Variants in KCNH8 observed in about 807,000 individuals in gnomAD.
KCNH8 encodes the protein potassium voltage-gated channel subfamily H member 8, also known as voltage-gated delayed rectifier potassium channel KCNH8.
Under a neutral mutation model 103.6 loss-of-function variants are expected in KCNH8, and 70 were observed. That is an observed-to-expected ratio of 0.68 (90% CI 0.56 to 0.82). KCNH8 has a LOEUF of 0.82. KCNH8 is among the 40% of genes least tolerant of loss of function. The probability of loss-of-function intolerance (pLI) is 0.00; values close to 1 mark genes in which losing one functional copy is unlikely to be tolerated. For synonymous variants in KCNH8, 498 were observed against 489.4 expected (o/e 1.02, Z -0.23); for missense variants, 1,217 against 1,329.9 (o/e 0.92, Z 1.32).
In KCNH8 at chr3:19,172,748, C is replaced by G. The variant is rs1340763614; in HGVS notation, c.76+23953C>G. Among the ~76,000 whole-genome samples, 4 of 152,206 alleles carry G rather than the reference C, an allele frequency of 2.6e-5. 1 individual carries two copies. The highest frequency in any genetic ancestry group is 9.6e-5 in the African/African-American group (4 of 41,462). On this transcript the variant is annotated intron_variant, in intron 1 of 15. Transcript: ENST00000328405. ...GTCACAGCTGAACAAGTAGCAGAGT[C>G]ATGGTTCAAACTCTGTACTTGTCTT...
intron 11 of KCNH8, among the ~76,000 whole-genome samples, chr3:19,497,156 T>G (rs1381548364): frequency 6.6e-6 from 1 of 152,176 alleles, no homozygotes; most frequent in African/African-American, 2.4e-5. Flanking sequence ...CCTTTGTTAG[T>G]CTAGCTAATG....
intron 3 of KCNH8, among the ~76,000 whole-genome samples, chr3:19,306,878 A>G (rs1197476323): frequency 1.3e-5 from 2 of 152,040 alleles, no homozygotes; most frequent in African/African-American, 2.4e-5. Flanking sequence ...TCTTTTCTGG[A>G]TACACACAGA....
At chr3:19,155,802 G>A (rs2125181977) in intron 1 of KCNH8, among the ~76,000 whole-genome samples, 1 of 152,230 alleles carries the variant, frequency 6.6e-6, no homozygotes, top group African/African-American at 2.4e-5. Flanking sequence ...CTTCCACATG[G>A]CCTTGCCCAT....
chr3:19,348,705 A>G (rs1299586079), intron 5 of KCNH8, among the ~76,000 whole-genome samples: 2 of 152,014 alleles, frequency 1.3e-5, no homozygotes, highest in Non-Finnish European at 2.9e-5. Context: ...TGTCATTAGC[A>G]GCTGATACCT....
chr3:19,161,761 A>G (rs1355639413), intron 1 of KCNH8, among the ~76,000 whole-genome samples: 1 of 152,218 alleles, frequency 6.6e-6, no homozygotes, highest in Non-Finnish European at 1.5e-5. Flanking sequence ...CTAAATTAAT[A>G]AAATGTATGA....
chr3:19,433,161 G>A (rs1163532509), intron 7 of KCNH8, among the ~76,000 whole-genome samples: 1 of 152,090 alleles, frequency 6.6e-6, no homozygotes, highest in Non-Finnish European at 1.5e-5. Flanking sequence ...CAACTTTTAT[G>A]TAGACTATTA....
chr3:19,228,385 AGG>A (rs2063956070), intron 1 of KCNH8, among the ~76,000 whole-genome samples: 1 of 152,180 alleles, frequency 6.6e-6, no homozygotes, highest in African/African-American at 2.4e-5. Context: ...TCTTAGCCTC[AGG>A]GCTGTTCTTT....
chr3:19,175,004 T>C (rs2063383690), intron 1 of KCNH8, among the ~76,000 whole-genome samples: 1 of 152,190 alleles, frequency 6.6e-6, no homozygotes, highest in Admixed American at 6.5e-5. Context: ...TATGAAGTAG[T>C]ATTTTTTTAA....
intron 11 of KCNH8, among the ~76,000 whole-genome samples, chr3:19,470,563 C>T (rs889932175): frequency 6.6e-6 from 1 of 152,190 alleles, no homozygotes; most frequent in African/African-American, 2.4e-5. Context: ...GCCCATCCAG[C>T]TTTCACTAAT....
In KCNH8 at chr3:19,282,319, G is replaced by C. The variant is rs369334018; in HGVS notation, c.442+990G>C. ...TATGTAGTGTATTTTACATATGCAA[G>C]GGAAGAGCCATATTAAAATTAAAGT... On this transcript the variant is annotated intron_variant, in intron 3 of 15. Transcript: ENST00000328405. Among the ~76,000 whole-genome samples, 15 of 152,194 alleles carry C rather than the reference G, an allele frequency of 9.9e-5. 2 individuals carry two copies. Among genetic ancestry groups the C allele is most frequent in the Admixed American group, 5.2e-4 (8 of 15,272 alleles).
intron 1 of KCNH8, among the ~76,000 whole-genome samples, chr3:19,239,670 CTATCTATCTAT>C (rs2064112015): frequency 1.3e-5 from 2 of 151,784 alleles, no homozygotes; most frequent in African/African-American, 4.9e-5. Flanking sequence ...ATCTATCTAT[CTATCTATCTAT>C]CTACCTACCT....
Position 19,395,259 on chromosome 3 carries a change from C to G in KCNH8, c.1125C>G (p.Tyr375Ter). Residue 375 changes from tyrosine to a stop codon, truncating the protein, a stop_gained, in exon 7 of 16, where the codon TAC becomes TAG. Transcript: ENST00000328405. LOFTEE classifies it high-confidence loss of function. ...CACACTGGATGGCGTGTATCTGGTA[C>G]GTCATTGGAAAAATGGAGAGGGAAG... ...LLAHWMACIW[Y>*]VIGKMEREDN... 1 of 1,609,846 alleles carries G rather than the reference C, an allele frequency of 6.2e-7. No individual in the cohort carries two copies. The highest frequency in any genetic ancestry group is 8.5e-7 in the Non-Finnish European group (1 of 1,178,144).
At chr3:19,484,239 C>A (rs2068154910) in intron 11 of KCNH8, among the ~76,000 whole-genome samples, 2 of 152,130 alleles carry the variant, frequency 1.3e-5, no homozygotes, top group South Asian at 4.1e-4. Context: ...TGGTCGTTTC[C>A]TGGGCTACAT....
chr3:19,287,765 T>C (rs1161532963), intron 3 of KCNH8, among the ~76,000 whole-genome samples: 1 of 152,168 alleles, frequency 6.6e-6, no homozygotes, highest in Non-Finnish European at 1.5e-5. Context: ...TTTGTATTTT[T>C]AGTAGAGACG....
rs529181124 is a variant in KCNH8, at chr3:19,292,310, G to A, written c.442+10981G>A. Among the ~76,000 whole-genome samples the A allele has an allele frequency of 1.0e-3, 153 of 152,234 alleles. 1 individual carries two copies. Among genetic ancestry groups the A allele is most frequent in the African/African-American group, 3.0e-3 (125 of 41,538 alleles). On this transcript the variant is annotated intron_variant, in intron 3 of 15. Coordinates refer to ENST00000328405, the MANE Select transcript of KCNH8 (RefSeq NM_144633.3). The stretch of plus-strand genomic sequence containing the variant: ...TCAAATTTGTTTTGAGAATTTAGGG[G>A]TTGATGTGTGAAGCTTTTCACATTA...
intron 1 of KCNH8, among the ~76,000 whole-genome samples, chr3:19,157,460 G>A (rs769425068): frequency 6.6e-6 from 1 of 152,044 alleles, no homozygotes; most frequent in Non-Finnish European, 1.5e-5. Context: ...CAACAAATGT[G>A]TAATTTTAGG....
chr3:19,442,680 A>G (rs1251630017), intron 8 of KCNH8, among the ~76,000 whole-genome samples: 3 of 152,194 alleles, frequency 2.0e-5, no homozygotes, highest in Non-Finnish European at 4.4e-5. Flanking sequence ...TATTCATTTG[A>G]AAGTCAAATG....
intron 3 of KCNH8, among the ~76,000 whole-genome samples, chr3:19,311,601 G>T (rs1220046141): frequency 6.6e-6 from 1 of 151,678 alleles, no homozygotes; most frequent in Non-Finnish European, 1.5e-5. Context: ...GAGAGGGAGG[G>T]ATCCACTATT....
chr3:19,478,822 C>T (rs2068027834), intron 11 of KCNH8, among the ~76,000 whole-genome samples: 2 of 151,974 alleles, frequency 1.3e-5, no homozygotes, highest in African/African-American at 4.8e-5. Flanking sequence ...GCCCAGTATG[C>T]CTTCCCCATA....
Sources: allele counts gnomAD v4.1 joint callset (sites outside exome capture counted in the v4.1 genomes callset), GRCh38; gene constraint gnomAD v4.1.1; transcripts MANE v1.5; gene names NCBI Gene and HGNC (gene_info 2026-07-23, HGNC 2026-07-21).